The following THSD7A variants were observed in gnomAD, a reference collection of about 807,000 sequenced individuals.
THSD7A encodes the protein thrombospondin type-1 domain-containing protein 7A.
THSD7A carries 96 observed loss-of-function variants against 231.3 expected under a neutral mutation model. The ratio of observed to expected loss-of-function variants is 0.41; its 90% CI spans 0.35 to 0.49. The LOEUF (loss-of-function observed/expected upper bound fraction) is 0.49. Among genes scored for constraint, THSD7A ranks in the 20% least tolerant of loss-of-function variants. THSD7A has a pLI of 0.05. For missense variants in THSD7A, 2,290 were observed against 2,070.2 expected, an observed-to-expected ratio of 1.11 and a Z score of -2.06; for synonymous variants, 940 against 743.3, an observed-to-expected ratio of 1.26 and a Z score of -4.30.
chr7:11,475,799 ATTT>A (rs1433698667), intron 7 of THSD7A, among the ~76,000 whole-genome samples: 1 of 151,088 alleles, frequency 6.6e-6, no homozygotes, highest in African/African-American at 2.4e-5. Context: ...GAAGATAATT[ATTT>A]GAGAAAAAAA....
At chr7:11,829,513 C>G (rs1410601673) in intron 1 of THSD7A, among the ~76,000 whole-genome samples, 1 of 152,100 alleles carries the variant, frequency 6.6e-6, no homozygotes, top group Non-Finnish European at 1.5e-5. Context: ...TAACAACTTT[C>G]ACTACATCAT....
chr7:11,538,153 A>G (rs180705765), intron 6 of THSD7A, among the ~76,000 whole-genome samples: 174 of 152,346 alleles, frequency 1.1e-3, no homozygotes, highest in African/African-American at 4.1e-3. Flanking sequence ...TAACTTTGCT[A>G]ATGTGGGGAA....
At chr7:11,535,671 A>T (rs945059264) in intron 6 of THSD7A, among the ~76,000 whole-genome samples, 4 of 152,072 alleles carry the variant, frequency 2.6e-5, no homozygotes, top group Non-Finnish European at 4.4e-5. Flanking sequence ...TTATGGAAAA[A>T]CGATTCAGTT....
chr7:11,425,932 G>C (rs1037833058), intron 15 of THSD7A, among the ~76,000 whole-genome samples: 8 of 152,116 alleles, frequency 5.3e-5, no homozygotes, highest in African/African-American at 1.7e-4. Flanking sequence ...AAGTGGACCT[G>C]TCTCAAAGAG....
At chr7:11,569,451 G>T (rs1790528437) in intron 4 of THSD7A, among the ~76,000 whole-genome samples, 1 of 152,068 alleles carries the variant, frequency 6.6e-6, no homozygotes, top group African/African-American at 2.4e-5. Flanking sequence ...ACTCATCAGG[G>T]TAACGCAAAT....
At chr7:11,820,509 T>A in intron 1 of THSD7A, 1 of 827,090 alleles carries the variant, frequency 1.2e-6, no homozygotes, top group Non-Finnish European at 1.9e-6. Flanking sequence ...TTTGGGTGTG[T>A]AATCTAGGTC....
chr7:11,635,433 A>G (rs1177911305), intron 2 of THSD7A, among the ~76,000 whole-genome samples: 1 of 152,226 alleles, frequency 6.6e-6, no homozygotes, highest in East Asian at 1.9e-4. Context: ...TATTTTCACA[A>G]TAAGTAAATC....
intron 1 of THSD7A, among the ~76,000 whole-genome samples, chr7:11,779,573 A>T (rs916156984): frequency 1.3e-5 from 2 of 152,206 alleles, no homozygotes; most frequent in African/African-American, 4.8e-5. Context: ...AATCCTTGGA[A>T]TCACCTCCAG....
At chr7:11,461,582 G>A (rs1239484542) in intron 10 of THSD7A, among the ~76,000 whole-genome samples, 1 of 152,172 alleles carries the variant, frequency 6.6e-6, no homozygotes, top group East Asian at 1.9e-4. Context: ...TTGAGATACA[G>A]ATGTCATTTC....
chr7:11,390,900 A>G (rs905062671), intron 23 of THSD7A, among the ~76,000 whole-genome samples: 7 of 152,100 alleles, frequency 4.6e-5, no homozygotes, highest in African/African-American at 9.7e-5. Context: ...TCCAGACCCT[A>G]TTTGCCTGGA....
intron 1 of THSD7A, among the ~76,000 whole-genome samples, chr7:11,649,428 G>A (rs1472153403): frequency 6.6e-6 from 1 of 151,964 alleles, no homozygotes; most frequent in Non-Finnish European, 1.5e-5. Context: ...TAAATTTTGA[G>A]GTAATATTTT....
In THSD7A at chr7:11,705,694, G is replaced by C. The variant is rs1386572857; in HGVS notation, c.191-68733C>G. Among the ~76,000 whole-genome samples, 8 of 150,910 alleles carry C rather than the reference G, an allele frequency of 5.3e-5. No individual in the cohort carries two copies. In the Admixed American group the frequency reaches 5.3e-4, roughly 10 times the overall value. On this transcript the variant is annotated intron_variant, in intron 1 of 27. Coordinates refer to ENST00000423059, the MANE Select transcript of THSD7A (RefSeq NM_015204.3). ...ATACTTCACCTAACTTGGTTTAGTG[G>C]GCAAACGATTCTTTAGCAGGGGAAA...
chr7:11,573,958 A>G (rs7778918), intron 4 of THSD7A, among the ~76,000 whole-genome samples: 48,364 of 152,036 alleles, frequency 0.32, 7,784 homozygotes, highest in South Asian at 0.42. Flanking sequence ...TGGAGCTCCT[A>G]CTATTCAGAC....
At chr7:11,407,623 T>C (rs138799716) in intron 19 of THSD7A, among the ~76,000 whole-genome samples, 200 bp from the exon 20 acceptor site, 98 of 152,292 alleles carry the variant, frequency 6.4e-4, no homozygotes, top group African/African-American at 2.2e-3. Flanking sequence ...GGGCACAGGA[T>C]GAAAGAAGGG....
intron 7 of THSD7A, among the ~76,000 whole-genome samples, chr7:11,480,577 T>G (rs1416717975): frequency 2.6e-5 from 4 of 152,174 alleles, no homozygotes; most frequent in Admixed American, 1.3e-4. Flanking sequence ...CACTTTTTTT[T>G]TGGAGCAAAG....
intron 1 of THSD7A, among the ~76,000 whole-genome samples, chr7:11,800,751 T>C (rs1784251495): frequency 6.6e-6 from 1 of 152,124 alleles, no homozygotes; most frequent in Non-Finnish European, 1.5e-5. Context: ...AGAATTGTTT[T>C]TCGATGAGTA....
rs1439903733 is a variant in THSD7A, at chr7:11,411,223, A to G, written c.3782T>C (p.Leu1261Pro). The part of the protein sequence containing the change: ...CVRSDGKSVD[L>P]KYCEALGLEK... ...TCCACCTACCGCTTCACAATATTTC[A>G]GGTCAACTGACTTGCCATCACTTCG... The change falls in exon 19 of 28, where the codon CTG becomes CCG. Residue 1261 changes from leucine (L) to proline (P), a missense_variant. By Grantham distance (98) the Leu-to-Pro change is moderately conservative. Transcript: ENST00000423059. This position sits in a 1 kb window ranked among gnomAD's most constrained non-coding sequence, Gnocchi z 4.1. 1 of 1,613,208 alleles carries G rather than the reference A, an allele frequency of 6.2e-7. No homozygotes were observed. The highest frequency in any genetic ancestry group is 1.7e-5 in the Admixed American group (1 of 59,940).
rs1414162817 is a variant in THSD7A, at chr7:11,769,146, TATATA to T, written c.190+62606_190+62610del. On this transcript the variant is annotated intron_variant, in intron 1 of 27. Coordinates refer to ENST00000423059, the MANE Select transcript of THSD7A (RefSeq NM_015204.3). ...CAATATATATATATATATATATATA[TATATA>T]TATTTTTTTTTTTTTTTGGTATTTT... Among the ~76,000 whole-genome samples, 568 of 67,558 alleles carry T rather than the reference TATATA, an allele frequency of 8.4e-3. 17 individuals carry two copies. Among genetic ancestry groups the T allele is most frequent in the African/African-American group, 0.027 (541 of 19,698 alleles). 44.3% of individuals were successfully genotyped at this position (67,558 alleles called of 152,430 possible).
chr7:11,817,003 C>T (rs1013848997), intron 1 of THSD7A, among the ~76,000 whole-genome samples: 1 of 152,008 alleles, frequency 6.6e-6, no homozygotes, highest in African/African-American at 2.4e-5. Flanking sequence ...AAGTGCTACA[C>T]AAATTTTAAA....
Sources: allele counts gnomAD v4.1 joint callset (sites outside exome capture counted in the v4.1 genomes callset), GRCh38; gene constraint gnomAD v4.1.1; non-coding constraint Gnocchi (gnomAD v3.1); transcripts MANE v1.5; gene names NCBI Gene and HGNC (gene_info 2026-07-23, HGNC 2026-07-21).